Variants in EIF4ENIF1 observed in about 807,000 individuals in gnomAD.
The protein encoded by EIF4ENIF1 is eukaryotic translation initiation factor 4E transporter.
Under a neutral mutation model 110.5 loss-of-function variants are expected in EIF4ENIF1, and 23 were observed. The ratio of observed to expected loss-of-function variants is 0.21; its 90% CI spans 0.15 to 0.29. EIF4ENIF1 has a LOEUF of 0.29. Ranked by LOEUF, EIF4ENIF1 falls within the 10% of genes least tolerant of loss-of-function variation. The probability of loss-of-function intolerance (pLI) is 1.00; values close to 1 mark genes in which losing one functional copy is unlikely to be tolerated. For missense variants in EIF4ENIF1, 1,031 were observed against 1,221.1 expected, an observed-to-expected ratio of 0.84 and a Z score of 2.32; for synonymous variants, 440 against 437.0, an observed-to-expected ratio of 1.01 and a Z score of -0.09.
At chr22:31,456,397 G>T (rs1314786109) in intron 7 of EIF4ENIF1, among the ~76,000 whole-genome samples, 1 of 151,592 alleles carries the variant, frequency 6.6e-6, no homozygotes, top group Non-Finnish European at 1.5e-5. Context: ...CTAATTTTTT[G>T]TATTTTTAGT....
chr22:31,468,421 G>T (rs1197528373), intron 3 of EIF4ENIF1, 119 bp from the exon 4 acceptor site: 9 of 1,404,822 alleles, frequency 6.4e-6, no homozygotes, highest in East Asian at 2.4e-5. Context: ...TTGAGACAGG[G>T]TCTCGCTCTG....
intron 4 of EIF4ENIF1, among the ~76,000 whole-genome samples, chr22:31,465,373 G>T (rs560695350): frequency 6.6e-6 from 1 of 150,478 alleles, no homozygotes; most frequent in East Asian, 1.9e-4. Flanking sequence ...CAAATGGTTT[G>T]AACAGACACT....
chr22:31,463,023 G>A lies in EIF4ENIF1; in HGVS notation c.696C>T (p.Thr232=). 6.2e-7 allele frequency: 1 copy of A among 1,614,104 alleles called. No homozygotes were observed. Among genetic ancestry groups the A allele is most frequent in the Non-Finnish European group, 8.5e-7 (1 of 1,180,024 alleles). ...TATCATCAAAGCCAGTCAGTTCGAT[G>A]GTTTCAGACTGACTTGTGGGTCCAG... ...FSAGPTSQSE[T]IELTGFDDKI... is the part of the protein sequence containing the mutation. The change falls in exon 6 of 19, where the codon ACC becomes ACT. Residue 232 remains threonine (T), a synonymous_variant. Coordinates refer to ENST00000330125, the MANE Select transcript of EIF4ENIF1 (RefSeq NM_019843.4).
intron 2 of EIF4ENIF1, among the ~76,000 whole-genome samples, chr22:31,485,735 C>T (rs905391966): frequency 1.6e-4 from 25 of 151,910 alleles, no homozygotes; most frequent in African/African-American, 5.1e-4. Flanking sequence ...ACCCGGGAAG[C>T]GGAGGTTGCA....
At chr22:31,450,504 T>C (rs980656409) in intron 10 of EIF4ENIF1, 144 bp from the exon 11 acceptor site, 10 of 572,020 alleles carry the variant, frequency 1.7e-5, no homozygotes, top group Non-Finnish European at 2.5e-5. Flanking sequence ...TAGACCAACG[T>C]GTTCCGCTCT....
chr22:31,450,566 T>G (rs1250995932), intron 10 of EIF4ENIF1: 1 of 444,706 alleles, frequency 2.2e-6, no homozygotes, highest in African/African-American at 2.0e-5. Flanking sequence ...CACATGTACA[T>G]GCAAAGTCCC....
intron 4 of EIF4ENIF1, among the ~76,000 whole-genome samples, chr22:31,465,359 T>C (rs1469069214): frequency 7.5e-6 from 1 of 133,786 alleles, no homozygotes; most frequent in African/African-American, 2.8e-5. Flanking sequence ...AATTGAAAAA[T>C]AGACAAATGG....
chr22:31,476,964 G>A (rs534003406), intron 2 of EIF4ENIF1, among the ~76,000 whole-genome samples: 1 of 148,070 alleles, frequency 6.8e-6, no homozygotes, highest in Admixed American at 6.8e-5. Flanking sequence ...CACCCTTTTT[G>A]AGGGAGACCC....
intron 16 of EIF4ENIF1, among the ~76,000 whole-genome samples, 175 bp from the exon 17 acceptor site, chr22:31,442,293 T>A (rs1386740295): frequency 6.6e-6 from 1 of 152,222 alleles, no homozygotes; most frequent in Non-Finnish European, 1.5e-5. Flanking sequence ...GACCAGAAGA[T>A]GAATTGTTGG....
In EIF4ENIF1 at chr22:31,486,007, G is replaced by A. The variant is rs568781340; in HGVS notation, c.96+2616C>T. On this transcript the variant is annotated intron_variant, in intron 2 of 18. Transcript: ENST00000330125. The stretch of plus-strand genomic sequence containing the variant: ...CACACCTATAATTCCAGCATTTTGG[G>A]GGGCCGAGGCGGGTGGATCACCTGA... Among the ~76,000 whole-genome samples, 24 of 151,598 alleles carry A rather than the reference G, an allele frequency of 1.6e-4. 1 individual carries two copies. In the South Asian group the frequency reaches 4.8e-3, roughly 30 times the overall value.
At chr22:31,467,420 G>A (rs527591845) in intron 4 of EIF4ENIF1, among the ~76,000 whole-genome samples, 5 of 152,072 alleles carry the variant, frequency 3.3e-5, no homozygotes, top group African/African-American at 4.8e-5. Flanking sequence ...CTTAAACAAC[G>A]TTTCTAAAGG....
chr22:31,437,450 T>TCCCCCCCCCCCCCCCC (rs368145036), downstream of EIF4ENIF1: 7 of 125,008 alleles, frequency 5.6e-5, no homozygotes, highest in Non-Finnish European at 8.4e-5. Flanking sequence ...TTTGCCTTCA[T>TCCCCCCCCCCCCCCCC]CCCCCCCCCA....
At chr22:31,452,565 T>G (rs989728381) in intron 10 of EIF4ENIF1, among the ~76,000 whole-genome samples, 2 of 152,182 alleles carry the variant, frequency 1.3e-5, no homozygotes, top group African/African-American at 4.8e-5. Flanking sequence ...TCAGGTAAAC[T>G]GCTGAATGCC....
intron 6 of EIF4ENIF1, 151 bp downstream of exon 6, chr22:31,462,781 C>T: frequency 1.4e-6 from 1 of 710,834 alleles, no homozygotes; most frequent in Non-Finnish European, 2.2e-6. Flanking sequence ...CGGGGTTTCA[C>T]CATGTTGGCC....
intron 13 of EIF4ENIF1, 101 bp from the exon 14 acceptor site, chr22:31,447,666 G>GA (rs1326446108): frequency 1.5e-6 from 2 of 1,345,482 alleles, no homozygotes; most frequent in Non-Finnish European, 2.0e-6. Flanking sequence ...AGCAGAAGCT[G>GA]AAAAAAATTA....
At chr22:31,477,375 C>CAAAAAAAAAAAAAAAAAAAAAAAAAAAAA (rs869068858) in intron 2 of EIF4ENIF1, among the ~76,000 whole-genome samples, 1 of 68,336 alleles carries the variant, frequency 1.5e-5, no homozygotes, top group Non-Finnish European at 2.6e-5. Context: ...AAAAAAAAAA[C>CAAAAAAAAAAAAAAAAAAAAAAAAAAAAA]AAAAAAAACA....
At chr22:31,477,036 T>C (rs2051601016) in intron 2 of EIF4ENIF1, among the ~76,000 whole-genome samples, 1 of 149,410 alleles carries the variant, frequency 6.7e-6, no homozygotes, top group African/African-American at 2.5e-5. Context: ...TCCAGGCGAC[T>C]TGGTTGAGCC....
chr22:31,438,913 G>A (rs940733904), downstream of EIF4ENIF1, among the ~76,000 whole-genome samples: 2 of 152,010 alleles, frequency 1.3e-5, no homozygotes, highest in Admixed American at 1.3e-4. Flanking sequence ...GTAGAGATGG[G>A]ATTTCACCAT....
chr22:31,490,510 T>C (rs922809308), upstream of EIF4ENIF1, among the ~76,000 whole-genome samples: 7 of 152,182 alleles, frequency 4.6e-5, no homozygotes, highest in East Asian at 1.3e-3. Flanking sequence ...CTTGTCACGA[T>C]TGGCTTTGAT....
Sources: gnomAD v4.1 joint callset for allele counts (sites outside exome capture counted in the v4.1 genomes callset) on GRCh38, gnomAD v4.1.1 for gene constraint, MANE v1.5 for transcripts, NCBI Gene and HGNC (gene_info 2026-07-23, HGNC 2026-07-21) for gene names.